ATIC: variants seen among roughly 807,000 people sequenced by gnomAD.
The protein encoded by ATIC is bifunctional purine biosynthesis protein ATIC.
ATIC carries 64 observed loss-of-function variants against 72.5 expected under a neutral mutation model. That is an observed-to-expected ratio of 0.88 (90% CI 0.72 to 1.09). The LOEUF (loss-of-function observed/expected upper bound fraction) is 1.09. ATIC is among the 50% of genes least tolerant of loss of function. The pLI is 0.00. For synonymous variants in ATIC, 281 were observed against 267.1 expected (o/e 1.05, Z -0.51); for missense variants, 787 against 732.4 (o/e 1.07, Z -0.86).
intron 3 of ATIC, 28 bp downstream of exon 3, chr2:215,318,261 AAC>A (rs1273706235): frequency 1.3e-6 from 2 of 1,588,038 alleles, no homozygotes; most frequent in African/African-American, 1.3e-5. Context: ...TTAATGTAAA[AAC>A]AGTCAGTGGT....
chr2:215,345,111 G>A lies in ATIC; in HGVS notation c.1320+240G>A, dbSNP rs777776658. ...GCTGCTTCTTGCCTTGAATAGGTTG[G>A]CACATTTTGGATTAGTGAGACTCTA... is the stretch of plus-strand genomic sequence containing the variant. On this transcript the variant is annotated intron_variant, in intron 13 of 15. Coordinates refer to ENST00000236959, the MANE Select transcript of ATIC (RefSeq NM_004044.7). 4.9e-4 allele frequency: 271 copies of A among 548,458 alleles called. 3 individuals are homozygous for A. The highest frequency in any genetic ancestry group is 5.7e-4 in the Admixed American group (20 of 35,106). 34.0% of individuals were successfully genotyped at this position (548,458 alleles called of 1,614,324 possible). A position where few individuals can be genotyped will look rare whatever the true frequency, so the allele number is the denominator to read the frequency against.
intron 13 of ATIC, chr2:215,345,091 T>A (rs2053058637): frequency 1.7e-6 from 1 of 596,494 alleles, no homozygotes; most frequent in Admixed American, 2.5e-5. Flanking sequence ...GTTGTGCTGC[T>A]TCTTGCCTTG....
intron 2 of ATIC, among the ~76,000 whole-genome samples, chr2:215,317,299 T>C (rs2052720722): frequency 6.6e-6 from 1 of 152,252 alleles, no homozygotes; most frequent in African/African-American, 2.4e-5. Flanking sequence ...TCTCAATCTT[T>C]TGTTTAAAAC....
At chr2:215,344,565 C>T (rs1296906676) in intron 12 of ATIC, among the ~76,000 whole-genome samples, 3 of 151,844 alleles carry the variant, frequency 2.0e-5, no homozygotes, top group South Asian at 2.1e-4. Context: ...GTGGTGCATG[C>T]GCCTGTAATT....
At chr2:215,341,051 C>A (rs187550487) in intron 12 of ATIC, among the ~76,000 whole-genome samples, 1 of 152,248 alleles carries the variant, frequency 6.6e-6, no homozygotes, top group East Asian at 1.9e-4. Context: ...AATCCTGAGG[C>A]CTTTTCAGTA....
the ATIC span, chr2:215,362,501 G>A: frequency 8.4e-6 from 2 of 237,890 alleles, no homozygotes; most frequent in South Asian, 5.2e-5. Flanking sequence ...GAGACCCAGA[G>A]GAGAGGAGTG....
downstream of ATIC, among the ~76,000 whole-genome samples, chr2:215,351,071 C>T (rs1040963487): frequency 2.0e-5 from 3 of 152,206 alleles, no homozygotes; most frequent in Admixed American, 6.5e-5. Flanking sequence ...GGTCCTAATA[C>T]ATTGCAACTT....
chr2:215,347,600 T>C lies in ATIC; in HGVS notation c.1503+659T>C, dbSNP rs1342483816. The C allele has an allele frequency of 6.1e-6, 3 of 490,568 alleles. No individual in the cohort carries two copies. In the East Asian group the frequency reaches 1.4e-4, roughly 24 times the overall value. The allele number at this position is 490,568 out of a possible 1,614,324, so 30.4% of individuals were successfully genotyped here. A position where few individuals can be genotyped will look rare whatever the true frequency, so the allele number is the denominator to read the frequency against. ...ATGGTCTTCTGAAGAGCCAATTGAC[T>C]ACCCTCAGTTTTTTATTCAGGAGCA... On this transcript the variant is annotated intron_variant, in intron 14 of 15. Transcript: ENST00000236959.
the ATIC span, among the ~76,000 whole-genome samples, chr2:215,363,906 C>G: frequency 1.3e-5 from 2 of 152,204 alleles, no homozygotes; most frequent in South Asian, 4.1e-4. Context: ...TAAGCCACTT[C>G]TTCCCATCTA....
chr2:215,355,552 C>T, the ATIC span, among the ~76,000 whole-genome samples: 6 of 152,204 alleles, frequency 3.9e-5, no homozygotes, highest in Non-Finnish European at 7.3e-5. Flanking sequence ...ATGTCCCTTC[C>T]TCAGAGCACA....
In ATIC at chr2:215,312,525, G is replaced by A. The variant is rs769231036; in HGVS notation, c.47G>A (p.Gly16Asp). 1.2e-6 allele frequency: 2 copies of A among 1,614,194 alleles called. No homozygotes were observed. Among genetic ancestry groups the A allele is most frequent in the Admixed American group, 3.3e-5 (2 of 60,026 alleles). Residue 16 changes from glycine to aspartate, a missense_variant, in exon 2 of 16, where the codon GGC becomes GAC. Gly to Asp is a moderately conservative substitution (Grantham distance 94, BLOSUM62 -1). Coordinates refer to ENST00000236959, the MANE Select transcript of ATIC (RefSeq NM_004044.7). ...LALFSVSDKT[G>D]LVEFARNLTA... The stretch of plus-strand genomic sequence containing the variant: ...TTATTTAGTGTCTCTGACAAAACCG[G>A]CCTTGTGGAATTTGCAAGAAACCTG...
chr2:215,366,407 T>C, the ATIC span, among the ~76,000 whole-genome samples: 1 of 152,192 alleles, frequency 6.6e-6, no homozygotes, highest in Admixed American at 6.5e-5. Context: ...AGCTGATCTC[T>C]ACACGCCACC....
chr2:215,348,629 A>G, intron 14 of ATIC: 2 of 424,462 alleles, frequency 4.7e-6, no homozygotes, highest in East Asian at 1.7e-4. Context: ...GAGATTCTAG[A>G]TATGTGAACT....
At chr2:215,361,889 T>A in the ATIC span, 13 of 1,566,658 alleles carry the variant, frequency 8.3e-6, no homozygotes, top group Non-Finnish European at 1.0e-5. Context: ...TTAAAACACT[T>A]GGTTCATTCT....
downstream of ATIC, among the ~76,000 whole-genome samples, chr2:215,351,890 A>T (rs1175575387): frequency 6.6e-6 from 1 of 152,226 alleles, no homozygotes; most frequent in African/African-American, 2.4e-5. Context: ...GCTAGGAAAT[A>T]CCTCAAAATA....
chr2:215,346,305 G>A (rs558125966), intron 13 of ATIC, among the ~76,000 whole-genome samples: 3 of 152,022 alleles, frequency 2.0e-5, no homozygotes, highest in Non-Finnish European at 4.4e-5. Context: ...GGGACTGCAG[G>A]TGTGCGCCAC....
chr2:215,328,918 C>T (rs1394774320), intron 7 of ATIC, among the ~76,000 whole-genome samples: 5 of 151,936 alleles, frequency 3.3e-5, no homozygotes, highest in Non-Finnish European at 5.9e-5. Flanking sequence ...GGTTTCACCA[C>T]GTTGGCCAGG....
At chr2:215,331,709 C>T (rs2052896778) in intron 7 of ATIC, among the ~76,000 whole-genome samples, 1 of 151,910 alleles carries the variant, frequency 6.6e-6, no homozygotes, top group African/African-American at 2.4e-5. Context: ...AGTGCTGGCC[C>T]ACCATTTCTT....
intron 9 of ATIC, 110 bp downstream of exon 9, chr2:215,333,567 A>C: frequency 1.4e-6 from 1 of 736,508 alleles, no homozygotes; most frequent in South Asian, 2.1e-5. Context: ...ATTCTGTATA[A>C]TATATAGATG....
Sources: gnomAD v4.1 joint callset for allele counts (sites outside exome capture counted in the v4.1 genomes callset) on GRCh38, gnomAD v4.1.1 for gene constraint, MANE v1.5 for transcripts, NCBI Gene and HGNC (gene_info 2026-07-23, HGNC 2026-07-21) for gene names.